The following UXS1 variants were observed in gnomAD, a reference collection of about 807,000 sequenced individuals.
UXS1 encodes UDP-glucuronic acid decarboxylase 1.
UXS1 carries 33 observed loss-of-function variants against 62.6 expected under a neutral mutation model. That is an observed-to-expected ratio of 0.53 (90% CI 0.40 to 0.70). The LOEUF (loss-of-function observed/expected upper bound fraction) is 0.70. Among genes scored for constraint, UXS1 ranks in the 30% least tolerant of loss-of-function variants. The pLI is 0.00. For synonymous variants in UXS1, 213 were observed against 206.8 expected (o/e 1.03, Z -0.26); for missense variants, 434 against 556.3 (o/e 0.78, Z 2.21).
chr2:106,162,830 T>C (rs1349155043), intron 4 of UXS1, among the ~76,000 whole-genome samples: 5 of 152,246 alleles, frequency 3.3e-5, no homozygotes, highest in African/African-American at 1.2e-4. Context: ...TCCAGTCGTA[T>C]TTCCCTTCGA....
chr2:106,112,493 C>T (rs1277811890), intron 10 of UXS1, 153 bp downstream of exon 10: 11 of 1,271,872 alleles, frequency 8.6e-6, no homozygotes, highest in Admixed American at 5.0e-5. Flanking sequence ...GTTATGTCCC[C>T]GTGCCTGCCT....
At chr2:106,112,497 C>A in intron 10 of UXS1, 149 bp downstream of exon 10, 1 of 1,303,640 alleles carries the variant, frequency 7.7e-7, no homozygotes, top group Non-Finnish European at 1.0e-6. Flanking sequence ...TGTCCCCGTG[C>A]CTGCCTTCCC....
chr2:106,115,562 C>T (rs576115723), intron 9 of UXS1, among the ~76,000 whole-genome samples: 58 of 152,322 alleles, frequency 3.8e-4, no homozygotes, highest in African/African-American at 1.4e-3. Context: ...ACAACTCCTA[C>T]AAGCCTGAGC....
At chr2:106,108,354 C>T (rs1038759760) in intron 10 of UXS1, among the ~76,000 whole-genome samples, 2 of 152,178 alleles carry the variant, frequency 1.3e-5, no homozygotes, top group Admixed American at 1.3e-4. Context: ...TATCTGTCTT[C>T]CCTGGGCTCT....
intron 1 of UXS1, among the ~76,000 whole-genome samples, chr2:106,167,369 C>T (rs1283988880): frequency 6.6e-6 from 1 of 152,190 alleles, no homozygotes; most frequent in Non-Finnish European, 1.5e-5. Flanking sequence ...ACACAAACGT[C>T]CTCCCTGTCC....
chr2:106,110,716 C>G (rs773938977), intron 10 of UXS1, among the ~76,000 whole-genome samples: 1 of 152,188 alleles, frequency 6.6e-6, no homozygotes, highest in Non-Finnish European at 1.5e-5. Context: ...CGCCCACGTA[C>G]CTGGTGGTCT....
At chr2:106,112,796 G>C in intron 9 of UXS1, 31 bp from the exon 10 acceptor site, 1 of 1,606,890 alleles carries the variant, frequency 6.2e-7, no homozygotes. Context: ...GGTCAGGTGT[G>C]CTCCCCTGTG....
chr2:106,175,832 C>T (rs1278477736), intron 1 of UXS1, among the ~76,000 whole-genome samples: 3 of 152,194 alleles, frequency 2.0e-5, no homozygotes, highest in Non-Finnish European at 2.9e-5. Flanking sequence ...ATTCCTGATC[C>T]ACCAAGCCCA....
At chr2:106,184,164 C>G (rs1202312940) in intron 1 of UXS1, among the ~76,000 whole-genome samples, 3 of 152,056 alleles carry the variant, frequency 2.0e-5, no homozygotes, top group Non-Finnish European at 4.4e-5. Flanking sequence ...TGCATTCCAG[C>G]CTGGGCAACA....
intron 6 of UXS1, among the ~76,000 whole-genome samples, chr2:106,144,254 C>G (rs1488982737): frequency 6.6e-6 from 1 of 152,168 alleles, no homozygotes; most frequent in Non-Finnish European, 1.5e-5. Flanking sequence ...GAATCCTAAA[C>G]AGATTACATA....
chr2:106,165,933 A>G, intron 2 of UXS1, 123 bp downstream of exon 2: 1 of 903,070 alleles, frequency 1.1e-6, no homozygotes, highest in Non-Finnish European at 1.6e-6. Context: ...TGTGAATAGC[A>G]AGAACCCACT....
intron 12 of UXS1, chr2:106,100,815 C>T (rs1033216497): frequency 9.5e-6 from 5 of 524,468 alleles, no homozygotes; most frequent in Non-Finnish European, 1.7e-5. Context: ...CAATCTTAGA[C>T]CCAGGCCCTT....
At chr2:106,130,654 G>T (rs557257726) in intron 6 of UXS1, among the ~76,000 whole-genome samples, 1 of 152,318 alleles carries the variant, frequency 6.6e-6, no homozygotes, top group African/African-American at 2.4e-5. Flanking sequence ...GGGCCTTCCG[G>T]GCTCCCCTGA....
At chr2:106,100,490 C>T (rs1046262052) in intron 12 of UXS1, among the ~76,000 whole-genome samples, 4 of 152,134 alleles carry the variant, frequency 2.6e-5, no homozygotes, top group Admixed American at 1.3e-4. Context: ...AGCTTTCTGC[C>T]GGCCAGAACT....
At chr2:106,190,853 T>C (rs1224952215) in intron 1 of UXS1, among the ~76,000 whole-genome samples, 1 of 151,760 alleles carries the variant, frequency 6.6e-6, no homozygotes, top group Non-Finnish European at 1.5e-5. Flanking sequence ...ACTATATGCA[T>C]GTTAAAAAAA....
At chr2:106,106,131 G>A (rs565753699) in intron 10 of UXS1, among the ~76,000 whole-genome samples, 3 of 152,286 alleles carry the variant, frequency 2.0e-5, no homozygotes, top group South Asian at 2.1e-4. Flanking sequence ...TTGGGAGGCC[G>A]AGATGGGCAG....
intron 5 of UXS1, among the ~76,000 whole-genome samples, chr2:106,155,227 T>C (rs1682341768): frequency 6.6e-6 from 1 of 152,164 alleles, no homozygotes; most frequent in Non-Finnish European, 1.5e-5. Flanking sequence ...TCTATCAACA[T>C]ATTTAAAGTG....
chr2:106,127,903 G>C (rs1156881422), intron 7 of UXS1, among the ~76,000 whole-genome samples: 1 of 152,142 alleles, frequency 6.6e-6, no homozygotes, highest in African/African-American at 2.4e-5. Flanking sequence ...ACAGCACTTT[G>C]CTGAGGCCTC....
intron 9 of UXS1, among the ~76,000 whole-genome samples, chr2:106,114,126 C>G (rs531426928): frequency 6.6e-6 from 1 of 152,286 alleles, no homozygotes; most frequent in South Asian, 2.1e-4. Context: ...AGTGACACGG[C>G]CGCCACCTCG....
Sources: allele counts gnomAD v4.1 joint callset (sites outside exome capture counted in the v4.1 genomes callset), GRCh38; gene constraint gnomAD v4.1.1; transcripts MANE v1.5; gene names NCBI Gene and HGNC (gene_info 2026-07-23, HGNC 2026-07-21).